Variants in PRSS12 observed in about 807,000 individuals in gnomAD.
The protein encoded by PRSS12 is neurotrypsin.
Under a neutral mutation model 104.4 loss-of-function variants are expected in PRSS12, and 85 were observed. The observed-to-expected ratio is 0.81, with a 90% confidence interval of 0.68 to 0.98. PRSS12 has a LOEUF of 0.98. Among genes scored for constraint, PRSS12 ranks in the 50% least tolerant of loss-of-function variants. PRSS12 has a pLI of 0.00. For missense variants in PRSS12, 1,141 were observed against 1,139.2 expected, an observed-to-expected ratio of 1.00 and a Z score of -0.02; for synonymous variants, 454 against 425.2, an observed-to-expected ratio of 1.07 and a Z score of -0.83.
intron 11 of PRSS12, 93 bp from the exon 12 acceptor site, chr4:118,283,204 C>G: frequency 6.9e-7 from 1 of 1,452,720 alleles, no homozygotes; most frequent in Non-Finnish European, 9.6e-7. Flanking sequence ...GCCTTTCTTC[C>G]AAATCATCAG....
chr4:118,316,444 C>CTAACA, intron 5 of PRSS12, 121 bp from the exon 6 acceptor site: 1 of 1,228,384 alleles, frequency 8.1e-7, no homozygotes, highest in East Asian at 2.5e-5. Context: ...TTTTGCTAAA[C>CTAACA]TTACATTACA....
At chr4:118,340,834 T>C (rs527990581) in intron 1 of PRSS12, among the ~76,000 whole-genome samples, 1 of 152,356 alleles carries the variant, frequency 6.6e-6, no homozygotes, top group South Asian at 2.1e-4. Context: ...GTCAGCCACG[T>C]AGAAATATGT....
At chr4:118,319,612 C>G (rs79206449) in intron 4 of PRSS12, among the ~76,000 whole-genome samples, 1 of 152,154 alleles carries the variant, frequency 6.6e-6, no homozygotes, top group Non-Finnish European at 1.5e-5. Context: ...ACACTCGACT[C>G]TAAACTTGTT....
intron 11 of PRSS12, among the ~76,000 whole-genome samples, chr4:118,289,976 G>C (rs1380801285): frequency 6.6e-6 from 1 of 152,138 alleles, no homozygotes; most frequent in East Asian, 1.9e-4. Flanking sequence ...ATTATCTGTT[G>C]ATCTCAGTTT....
intron 10 of PRSS12, 66 bp downstream of exon 10, chr4:118,295,712 T>G (rs1409732663): frequency 9.8e-6 from 14 of 1,433,664 alleles, no homozygotes; most frequent in Non-Finnish European, 1.3e-5. Context: ...ACATCCCCAG[T>G]TTGTAACACT....
chr4:118,305,159 T>C (rs913511603), intron 8 of PRSS12, among the ~76,000 whole-genome samples: 3 of 150,852 alleles, frequency 2.0e-5, no homozygotes, highest in Non-Finnish European at 4.4e-5. Context: ...ACTGAAAATA[T>C]ACATATATGT....
intron 4 of PRSS12, among the ~76,000 whole-genome samples, chr4:118,327,005 A>T (rs1450083198): frequency 6.6e-6 from 1 of 152,188 alleles, no homozygotes; most frequent in Non-Finnish European, 1.5e-5. Context: ...CAAATAAATA[A>T]ATAATGTTGT....
intron 8 of PRSS12, among the ~76,000 whole-genome samples, chr4:118,308,046 A>C (rs182424817): frequency 3.0e-4 from 46 of 152,344 alleles, no homozygotes; most frequent in Admixed American, 5.9e-4. Context: ...GTGACTTTAT[A>C]ACTATCAAGA....
chr4:118,305,463 T>C (rs1743523656), intron 8 of PRSS12, among the ~76,000 whole-genome samples: 1 of 152,076 alleles, frequency 6.6e-6, no homozygotes, highest in Non-Finnish European at 1.5e-5. Context: ...AAATCACTTC[T>C]TTTTTAGCTT....
At chr4:118,298,690 T>C in intron 9 of PRSS12, 43 bp downstream of exon 9, 3 of 1,545,900 alleles carry the variant, frequency 1.9e-6, no homozygotes, top group Non-Finnish European at 2.7e-6. Context: ...GGAATGGGAA[T>C]TAGTATTCCT....
chr4:118,336,783 G>T (rs779931688), intron 2 of PRSS12, among the ~76,000 whole-genome samples: 4 of 152,090 alleles, frequency 2.6e-5, no homozygotes, highest in Non-Finnish European at 5.9e-5. Flanking sequence ...AGCACAAATA[G>T]GTATGTATAT....
chr4:118,299,726 TA>T (rs1376851380), intron 8 of PRSS12, among the ~76,000 whole-genome samples: 5 of 60,800 alleles, frequency 8.2e-5, no homozygotes, highest in African/African-American at 2.0e-4. Flanking sequence ...TAAAATAAAA[TA>T]AAATAAAATA....
chr4:118,325,304 C>T (rs536552423), intron 4 of PRSS12, among the ~76,000 whole-genome samples: 1 of 149,872 alleles, frequency 6.7e-6, no homozygotes, highest in Admixed American at 6.6e-5. Flanking sequence ...GTCCAATATA[C>T]CCATGAAAAG....
chr4:118,294,549 G>C (rs1237894299), intron 11 of PRSS12, among the ~76,000 whole-genome samples: 2 of 152,080 alleles, frequency 1.3e-5, no homozygotes, highest in African/African-American at 4.8e-5. Context: ...AAGACACCAA[G>C]ACTCAAAGAA....
At chr4:118,292,144 C>T (rs1743143427) in intron 11 of PRSS12, among the ~76,000 whole-genome samples, 1 of 152,078 alleles carries the variant, frequency 6.6e-6, no homozygotes, top group South Asian at 2.1e-4. Context: ...ATCCTACCTT[C>T]CAACATATTA....
intron 1 of PRSS12, among the ~76,000 whole-genome samples, chr4:118,345,113 C>T (rs1444306637): frequency 6.6e-6 from 1 of 152,178 alleles, no homozygotes; most frequent in Non-Finnish European, 1.5e-5. Context: ...TTTATAAATG[C>T]TGCACCTAGT....
chr4:118,297,266 A>G (rs1743274368), intron 9 of PRSS12, among the ~76,000 whole-genome samples: 1 of 152,192 alleles, frequency 6.6e-6, no homozygotes, highest in East Asian at 1.9e-4. Flanking sequence ...ATAACCATGG[A>G]AAGATATCAA....
rs200223013 is a variant in PRSS12, at chr4:118,352,724, G to A, written c.-4C>T. 6.2e-6 allele frequency: 10 copies of A among 1,612,556 alleles called. No homozygotes were observed. Among genetic ancestry groups the A allele is most frequent in the East Asian group, 2.2e-5 (1 of 44,776 alleles). On this transcript the variant is annotated 5_prime_UTR_variant, in exon 1 of 13. Transcript: ENST00000296498. Reference sequence around the variant, plus strand: ...GCACGAAGCGGGCGAGCGTCATGGTGCCAGCGCTGCGGGGTCTGGTCCATG... The same window carrying A: ...GCACGAAGCGGGCGAGCGTCATGGTACCAGCGCTGCGGGGTCTGGTCCATG...
intron 7 of PRSS12, among the ~76,000 whole-genome samples, chr4:118,310,359 T>C (rs756260254): frequency 6.6e-6 from 1 of 152,214 alleles, no homozygotes; most frequent in Non-Finnish European, 1.5e-5. Context: ...ATAAAAATGA[T>C]AAAGTGTTTT....
Sources: gnomAD v4.1 joint callset for allele counts (sites outside exome capture counted in the v4.1 genomes callset) on GRCh38, gnomAD v4.1.1 for gene constraint, MANE v1.5 for transcripts, NCBI Gene and HGNC (gene_info 2026-07-23, HGNC 2026-07-21) for gene names.